Variants in KIF15 observed in about 807,000 individuals in gnomAD.
KIF15 encodes the protein kinesin-like protein KIF15.
Under a neutral mutation model 190.6 loss-of-function variants are expected in KIF15, and 140 were observed. The observed-to-expected ratio is 0.73, with a 90% CI of 0.64 to 0.84. The LOEUF (loss-of-function observed/expected upper bound fraction) is 0.84, where lower values mean the gene tolerates loss of function less well. Among genes scored for constraint, KIF15 ranks in the 40% least tolerant of loss-of-function variants. KIF15 has a pLI of 0.00. For missense variants in KIF15, 1,372 were observed against 1,584.4 expected, an observed-to-expected ratio of 0.87 and a Z score of 2.28; for synonymous variants, 528 against 551.3, an observed-to-expected ratio of 0.96 and a Z score of 0.59.
intron 18 of KIF15, 58 bp downstream of exon 18, chr3:44,812,347 AGG>A: frequency 8.2e-7 from 1 of 1,217,868 alleles, no homozygotes. Context: ...TGTTACCTTG[AGG>A]AAACATCCTC....
downstream of KIF15, among the ~76,000 whole-genome samples, chr3:44,854,310 G>A (rs531824086): frequency 4.0e-5 from 6 of 151,772 alleles, no homozygotes; most frequent in Non-Finnish European, 8.8e-5. Flanking sequence ...GCTTGAACCC[G>A]GGAGGCAGAG....
rs1706126108 is a variant in KIF15, at chr3:44,780,812, C to T, written c.324-73C>T. 5.3e-6 allele frequency: 5 copies of T among 948,122 alleles called. No homozygotes were observed. The Admixed American group carries it at 9.6e-5, about 18-fold the overall frequency. The allele number at this position is 948,122 out of a possible 1,614,324, so 58.7% of individuals were successfully genotyped here. ...TAACTTTTTGTGGAGAAAACTTATACACTAGTATTATAATAGGAGGAGTAG... is the reference window on the plus strand; with the variant it reads ...TAACTTTTTGTGGAGAAAACTTATATACTAGTATTATAATAGGAGGAGTAG... On this transcript the variant is annotated intron_variant, in intron 4 of 34. Transcript: ENST00000326047.
chr3:44,836,781 A>G (rs1176268915), intron 26 of KIF15, among the ~76,000 whole-genome samples: 1 of 152,240 alleles, frequency 6.6e-6, no homozygotes, highest in Non-Finnish European at 1.5e-5. Context: ...AATGAGTGCC[A>G]TAGCCAAGAT....
chr3:44,815,107 C>G, intron 20 of KIF15, 31 bp downstream of exon 20: 1 of 1,514,120 alleles, frequency 6.6e-7, no homozygotes, highest in African/African-American at 1.4e-5. Flanking sequence ...TTTCAAGTTG[C>G]CTGATTGGCT....
downstream of KIF15, among the ~76,000 whole-genome samples, chr3:44,856,064 C>T (rs1278404323): frequency 1.3e-5 from 2 of 151,838 alleles, no homozygotes; most frequent in Non-Finnish European, 2.9e-5. Flanking sequence ...GGTGATTTGA[C>T]TAATAAAGGC....
At chr3:44,820,719 G>A (rs1708231801) in intron 20 of KIF15, among the ~76,000 whole-genome samples, 1 of 152,164 alleles carries the variant, frequency 6.6e-6, no homozygotes, top group Non-Finnish European at 1.5e-5. Flanking sequence ...TCTTAGTACA[G>A]AACAAAATGA....
intron 4 of KIF15, among the ~76,000 whole-genome samples, chr3:44,779,604 G>C (rs1706070225): frequency 6.6e-6 from 1 of 152,058 alleles, no homozygotes; most frequent in Non-Finnish European, 1.5e-5. Flanking sequence ...GGGGGCCGAG[G>C]TGCGTGGATC....
downstream of KIF15, among the ~76,000 whole-genome samples, chr3:44,855,180 G>A (rs1699175608): frequency 6.6e-6 from 1 of 152,196 alleles, no homozygotes; most frequent in Non-Finnish European, 1.5e-5. Flanking sequence ...GATAGGTGGT[G>A]GAGTTAGGAG....
chr3:44,800,558 G>A, intron 11 of KIF15, 121 bp downstream of exon 11: 1 of 972,832 alleles, frequency 1.0e-6, no homozygotes, highest in South Asian at 1.7e-5. Flanking sequence ...ATCTCTTTCT[G>A]CTTATTTCTC....
intron 4 of KIF15, among the ~76,000 whole-genome samples, chr3:44,779,323 G>A (rs1221863632): frequency 6.6e-6 from 1 of 152,132 alleles, no homozygotes; most frequent in Non-Finnish European, 1.5e-5. Flanking sequence ...TTTTATTGGA[G>A]CATGGTATTT....
In KIF15 at chr3:44,805,987, G is replaced by T; in HGVS notation, c.1971+1G>T. The stretch of plus-strand genomic sequence containing the variant: ...TAAAATTCATGCTGAAACACTTAAG[G>T]TAGGTCATCTGAACAATACCTCCAC... On this transcript the variant is annotated splice_donor_variant, in intron 16 of 34. Transcript: ENST00000326047. LOFTEE classifies it high-confidence loss of function. The T allele has an allele frequency of 6.2e-7, 1 of 1,613,154 alleles. No individual in the cohort carries two copies. Among genetic ancestry groups the T allele is most frequent in the African/African-American group, 1.3e-5 (1 of 74,950 alleles).
intron 14 of KIF15, among the ~76,000 whole-genome samples, chr3:44,804,804 C>T (rs58195603): frequency 0.013 from 1,924 of 152,150 alleles, 36 homozygotes; most frequent in African/African-American, 0.043. Flanking sequence ...GTTATTTTTG[C>T]TTGTCAAACA....
downstream of KIF15, among the ~76,000 whole-genome samples, chr3:44,856,010 G>T (rs942210414): frequency 6.6e-6 from 1 of 151,990 alleles, no homozygotes; most frequent in Non-Finnish European, 1.5e-5. Context: ...ATGGTAAGGG[G>T]TATGAAGGTT....
At chr3:44,782,982 C>A (rs551983537) in intron 5 of KIF15, among the ~76,000 whole-genome samples, 5 of 152,100 alleles carry the variant, frequency 3.3e-5, no homozygotes, top group Admixed American at 6.5e-5. Context: ...TGGAAGTGTT[C>A]TTTTTTAAAA....
In KIF15 at chr3:44,840,366, G is replaced by T. The variant is rs757658482; in HGVS notation, c.3330G>T (p.Lys1110Asn). ...TTCAATTTTCCCAGCTAAACCAAAA[G>T]AAAGAGGAAGTAGAACAGAAGAAGA... ...IQELQHKLNQ[K>N]KEEVEQKKNE... Residue 1110 changes from lysine (K) to asparagine (N), a missense_variant, in exon 28 of 35, where the codon AAG (lysine) becomes AAT (asparagine). By Grantham distance (94) the Lys-to-Asn change is moderately conservative (BLOSUM62 0). Coordinates refer to ENST00000326047, the MANE Select transcript of KIF15 (RefSeq NM_020242.3). The T allele has an allele frequency of 6.2e-7, 1 of 1,602,204 alleles. No individual in the cohort carries two copies. The highest frequency in any genetic ancestry group is 8.5e-7 in the Non-Finnish European group (1 of 1,173,866).
intron 4 of KIF15, 75 bp from the exon 5 acceptor site, chr3:44,780,810 T>C: frequency 2.1e-6 from 2 of 936,144 alleles, no homozygotes; most frequent in East Asian, 2.6e-5. Flanking sequence ...AGAAAACTTA[T>C]ACACTAGTAT....
At chr3:44,773,149 A>C (rs996443993) in intron 1 of KIF15, among the ~76,000 whole-genome samples, 1 of 148,192 alleles carries the variant, frequency 6.7e-6, no homozygotes, top group African/African-American at 2.5e-5. Flanking sequence ...AAAAAAAAAA[A>C]CAACAACAAA....
At chr3:44,765,430 G>A (rs933002967) in intron 1 of KIF15, among the ~76,000 whole-genome samples, 1 of 152,142 alleles carries the variant, frequency 6.6e-6, no homozygotes, top group Non-Finnish European at 1.5e-5. Flanking sequence ...ATACTGTTAA[G>A]CCTTTGATAT....
chr3:44,789,588 T>G (rs756707876), intron 7 of KIF15, among the ~76,000 whole-genome samples: 9 of 148,186 alleles, frequency 6.1e-5, no homozygotes, highest in Non-Finnish European at 1.3e-4. Flanking sequence ...AGAGATGCAC[T>G]GATTTCCCAC....
Sources: gnomAD v4.1 joint callset for allele counts (sites outside exome capture counted in the v4.1 genomes callset) on GRCh38, gnomAD v4.1.1 for gene constraint, MANE v1.5 for transcripts, NCBI Gene and HGNC (gene_info 2026-07-23, HGNC 2026-07-21) for gene names.